Variants in MSI2 observed in about 807,000 individuals in gnomAD.
The protein encoded by MSI2 is RNA-binding protein Musashi homolog 2.
A neutral mutation model predicts 45.6 loss-of-function variants in MSI2; 17 were observed. The observed-to-expected ratio is 0.37, with a 90% CI of 0.26 to 0.56. MSI2 has a LOEUF of 0.56. Ranked by LOEUF, MSI2 falls within the 20% of genes least tolerant of loss-of-function variation. The probability of loss-of-function intolerance (pLI) is 0.77; values close to 1 mark genes in which losing one functional copy is unlikely to be tolerated. For synonymous variants in MSI2, 156 were observed against 158.2 expected (o/e 0.99, Z 0.11); for missense variants, 293 against 444.2 (o/e 0.66, Z 3.06).
chr17:57,313,324 T>A (rs780430277), intron 5 of MSI2, among the ~76,000 whole-genome samples: 2 of 152,214 alleles, frequency 1.3e-5, no homozygotes, highest in Non-Finnish European at 2.9e-5. Flanking sequence ...CGGAAGATGG[T>A]AAAGCAACAG....
chr17:57,647,266 TAAAAATACAAA>T (rs1410648025), intron 10 of MSI2, among the ~76,000 whole-genome samples: 1 of 30,008 alleles, frequency 3.3e-5, no homozygotes, highest in African/African-American at 1.2e-4. Flanking sequence ...TCGACTCTAC[TAAAAATACAAA>T]AAAAAAAAAA....
intron 6 of MSI2, among the ~76,000 whole-genome samples, chr17:57,511,112 C>T: frequency 6.6e-6 from 1 of 152,150 alleles, no homozygotes; most frequent in East Asian, 1.9e-4. Context: ...TATGCTTTTC[C>T]ACTGATACCT....
chr17:57,293,368 G>A (rs562303154), intron 5 of MSI2, among the ~76,000 whole-genome samples: 5 of 152,144 alleles, frequency 3.3e-5, no homozygotes, highest in South Asian at 2.1e-4. Flanking sequence ...CTGGACCCAC[G>A]GGGCTGTCAG....
intron 6 of MSI2, among the ~76,000 whole-genome samples, chr17:57,429,591 C>T (rs181592334): frequency 2.6e-5 from 4 of 152,296 alleles, no homozygotes; most frequent in Admixed American, 6.5e-5. Flanking sequence ...AGGGTTTTTC[C>T]TGCCCTGCAT....
chr17:57,576,057 G>T (rs2088038409), intron 7 of MSI2, among the ~76,000 whole-genome samples: 1 of 152,060 alleles, frequency 6.6e-6, no homozygotes, highest in South Asian at 2.1e-4. Flanking sequence ...AACTGCCTCT[G>T]GTCAGAACTG....
intron 6 of MSI2, among the ~76,000 whole-genome samples, chr17:57,425,072 T>C (rs2084466686): frequency 1.3e-5 from 2 of 152,182 alleles, no homozygotes. Flanking sequence ...AATCATGGGC[T>C]ATAAAAGCCT....
At chr17:57,310,121 G>A (rs935741450) in intron 5 of MSI2, among the ~76,000 whole-genome samples, 2 of 152,150 alleles carry the variant, frequency 1.3e-5, no homozygotes, top group African/African-American at 4.8e-5. Context: ...CCCTCTTTCC[G>A]GCCCAGCAGG....
chr17:57,431,919 T>C (rs143326560), intron 6 of MSI2, among the ~76,000 whole-genome samples: 11 of 152,284 alleles, frequency 7.2e-5, no homozygotes, highest in African/African-American at 2.4e-4. Flanking sequence ...CCACCGGGCA[T>C]TTGGCGGCGG....
At chr17:57,538,296 T>C (rs2086965914) in intron 7 of MSI2, among the ~76,000 whole-genome samples, 1 of 152,198 alleles carries the variant, frequency 6.6e-6, no homozygotes, top group South Asian at 2.1e-4. Flanking sequence ...TTAAGGTTCC[T>C]AGAGGGGTCC....
intron 7 of MSI2, among the ~76,000 whole-genome samples, chr17:57,532,683 A>G (rs1246870076): frequency 1.3e-5 from 2 of 152,178 alleles, no homozygotes; most frequent in Non-Finnish European, 1.5e-5. Context: ...CCTTGCCCCA[A>G]ACTTACCTTC....
intron 10 of MSI2, among the ~76,000 whole-genome samples, chr17:57,641,793 G>C (rs1006678062): frequency 2.6e-5 from 4 of 152,192 alleles, no homozygotes; most frequent in Admixed American, 2.6e-4. Context: ...CAGAAAGATA[G>C]GCAGATAGAT....
chr17:57,282,460 C>T (rs906332416), intron 5 of MSI2, among the ~76,000 whole-genome samples: 1 of 152,116 alleles, frequency 6.6e-6, no homozygotes, highest in Non-Finnish European at 1.5e-5. Flanking sequence ...GCCTCCTGAG[C>T]CATATTTCTT....
At chr17:57,671,006 C>G (rs1912735929) in intron 11 of MSI2, among the ~76,000 whole-genome samples, 1 of 152,008 alleles carries the variant, frequency 6.6e-6, no homozygotes, top group African/African-American at 2.4e-5. Context: ...GAGCTGGGGT[C>G]ACAGTCAGGT....
At chr17:57,348,767 A>G (rs974318408) in intron 5 of MSI2, among the ~76,000 whole-genome samples, 2 of 152,186 alleles carry the variant, frequency 1.3e-5, no homozygotes, top group African/African-American at 4.8e-5. Flanking sequence ...CCTTATAGCA[A>G]TGCAAAAATG....
chr17:57,339,344 C>G (rs1054368019), intron 5 of MSI2, among the ~76,000 whole-genome samples: 6 of 152,210 alleles, frequency 3.9e-5, no homozygotes, highest in Admixed American at 3.9e-4. Context: ...GTGTTTCATT[C>G]TTGCATGCAC....
At chr17:57,667,668 G>A (rs1044261750) in intron 11 of MSI2, among the ~76,000 whole-genome samples, 9 of 152,244 alleles carry the variant, frequency 5.9e-5, no homozygotes, top group African/African-American at 9.6e-5. Context: ...AACTGACCTC[G>A]GCTCCAGAAA....
intron 6 of MSI2, among the ~76,000 whole-genome samples, chr17:57,436,964 A>G (rs891267001): frequency 5.3e-5 from 8 of 152,210 alleles, no homozygotes; most frequent in African/African-American, 1.9e-4. Context: ...ATTGGATTCA[A>G]GGACATCAGA....
At chr17:57,270,933 C>T (rs752633512) in intron 5 of MSI2, among the ~76,000 whole-genome samples, 1 of 152,140 alleles carries the variant, frequency 6.6e-6, no homozygotes, top group Non-Finnish European at 1.5e-5. Context: ...TCCTGGCTCT[C>T]GAGGCGAGAT....
At chr17:57,328,933 T>C (rs540340591) in intron 5 of MSI2, among the ~76,000 whole-genome samples, 2 of 152,256 alleles carry the variant, frequency 1.3e-5, no homozygotes, top group Admixed American at 1.3e-4. Flanking sequence ...GGGGCCCCGA[T>C]AGGAATATAA....
Sources: gnomAD v4.1 joint callset for allele counts (sites outside exome capture counted in the v4.1 genomes callset) on GRCh38, gnomAD v4.1.1 for gene constraint, MANE v1.5 for transcripts, NCBI Gene and HGNC (gene_info 2026-07-23, HGNC 2026-07-21) for gene names.